CTNNA2: variants seen among roughly 807,000 people sequenced by gnomAD.
The protein encoded by CTNNA2 is catenin alpha-2.
CTNNA2 carries 42 observed loss-of-function variants against 101.0 expected under a neutral mutation model. The ratio of observed to expected loss-of-function variants is 0.42; its 90% confidence interval spans 0.32 to 0.54. The LOEUF (loss-of-function observed/expected upper bound fraction) is 0.54, where lower values mean the gene tolerates loss of function less well. Ranked by LOEUF, CTNNA2 falls within the 20% of genes least tolerant of loss-of-function variation. The pLI, the probability that CTNNA2 is intolerant of heterozygous loss-of-function variation, is 0.14. For synonymous variants in CTNNA2, 450 were observed against 456.4 expected (o/e 0.99, Z 0.18); for missense variants, 871 against 1,223.1 (o/e 0.71, Z 4.29).
intron 2 of CTNNA2, among the ~76,000 whole-genome samples, chr2:79,741,684 T>C (rs2104975350): frequency 6.6e-6 from 1 of 152,346 alleles, no homozygotes; most frequent in Admixed American, 6.5e-5. Flanking sequence ...AGGTTTTTAT[T>C]GTTTATGTTG....
intron 15 of CTNNA2, among the ~76,000 whole-genome samples, chr2:80,598,851 A>T (rs1479687036): frequency 6.6e-6 from 1 of 152,224 alleles, no homozygotes; most frequent in South Asian, 2.1e-4. Context: ...GAAGAGATTC[A>T]TGATTAGGAA....
chr2:79,236,745 T>G (rs1480464700), intron 2 of CTNNA2, among the ~76,000 whole-genome samples: 1 of 152,252 alleles, frequency 6.6e-6, no homozygotes, highest in Non-Finnish European at 1.5e-5. Flanking sequence ...TAGATTCAAA[T>G]GCAGTAAACC....
chr2:79,577,818 A>G (rs1036335803), intron 1 of CTNNA2, among the ~76,000 whole-genome samples: 2 of 152,160 alleles, frequency 1.3e-5, no homozygotes, highest in African/African-American at 4.8e-5. Context: ...GAATACATTT[A>G]CTGTTCTAAA....
intron 3 of CTNNA2, among the ~76,000 whole-genome samples, chr2:79,347,172 G>C (rs111717911): frequency 0.015 from 2,303 of 152,148 alleles, 56 homozygotes; most frequent in African/African-American, 0.051. Context: ...TAAGAAAAAT[G>C]GCTCAAATTC....
At chr2:79,892,272 A>G (rs1049347598) in intron 6 of CTNNA2, among the ~76,000 whole-genome samples, 3 of 152,184 alleles carry the variant, frequency 2.0e-5, no homozygotes, top group African/African-American at 7.2e-5. Context: ...TAGTTTAAGT[A>G]TTAATTTAAT....
At chr2:79,744,352 C>T (rs1558890797) in intron 2 of CTNNA2, 35 bp from the exon 3 acceptor site, 1 of 1,554,174 alleles carries the variant, frequency 6.4e-7, no homozygotes, top group Non-Finnish European at 8.7e-7. Flanking sequence ...GACAGTTTTG[C>T]AAAGAAGTTT....
intron 17 of CTNNA2, among the ~76,000 whole-genome samples, chr2:80,609,118 C>T (rs1432402021): frequency 6.6e-6 from 1 of 151,730 alleles, no homozygotes; most frequent in Non-Finnish European, 1.5e-5. Flanking sequence ...GTGGCTCTGA[C>T]ACCTTAGTTC....
chr2:79,461,101 C>T (rs1400841502), intron 4 of CTNNA2, among the ~76,000 whole-genome samples: 1 of 152,210 alleles, frequency 6.6e-6, no homozygotes, highest in Non-Finnish European at 1.5e-5. Flanking sequence ...CTCAGCCTCC[C>T]AAAGTTCTGG....
chr2:79,230,473 A>G (rs1265183449), intron 2 of CTNNA2, among the ~76,000 whole-genome samples: 1 of 152,236 alleles, frequency 6.6e-6, no homozygotes, highest in Non-Finnish European at 1.5e-5. Flanking sequence ...ACCTCCACCC[A>G]GATTTCAGAA....
chr2:80,089,174 G>C (rs1699629977), intron 7 of CTNNA2, among the ~76,000 whole-genome samples: 1 of 151,864 alleles, frequency 6.6e-6, no homozygotes, highest in South Asian at 2.1e-4. Context: ...TTTCCTGGTG[G>C]GGGCTTCCTG....
At chr2:80,527,094 A>C (rs1426033513) in intron 9 of CTNNA2, among the ~76,000 whole-genome samples, 1 of 152,244 alleles carries the variant, frequency 6.6e-6, no homozygotes, top group Non-Finnish European at 1.5e-5. Flanking sequence ...GTCAAAACAC[A>C]AGGTCTCACT....
intron 3 of CTNNA2, among the ~76,000 whole-genome samples, chr2:79,783,456 T>A (rs1441764671): frequency 1.3e-5 from 2 of 152,182 alleles, no homozygotes; most frequent in Non-Finnish European, 2.9e-5. Context: ...GTAAACTTAT[T>A]TCTCTCTTCT....
chr2:79,465,962 CG>C (rs1302081669), intron 4 of CTNNA2, among the ~76,000 whole-genome samples: 1 of 152,132 alleles, frequency 6.6e-6, no homozygotes, highest in Non-Finnish European at 1.5e-5. Context: ...GCATGAGTGA[CG>C]TAAAAAACAG....
intron 2 of CTNNA2, among the ~76,000 whole-genome samples, chr2:79,293,475 T>C (rs1675884319): frequency 6.6e-6 from 1 of 152,072 alleles, no homozygotes; most frequent in Admixed American, 6.6e-5. Flanking sequence ...ACAGTTTGGC[T>C]AAAAGGAAAA....
chr2:79,726,694 A>G (rs1686865672), intron 2 of CTNNA2, among the ~76,000 whole-genome samples: 1 of 152,198 alleles, frequency 6.6e-6, no homozygotes, highest in African/African-American at 2.4e-5. Flanking sequence ...TGTACACTTT[A>G]CAGATCAAAA....
intron 13 of CTNNA2, among the ~76,000 whole-genome samples, chr2:80,576,787 G>GA (rs1292269180): frequency 0.021 from 2,635 of 122,902 alleles, 38 homozygotes; most frequent in Middle Eastern, 0.047. Flanking sequence ...TGTCTCTACT[G>GA]AAAAAAAAAA....
intron 7 of CTNNA2, among the ~76,000 whole-genome samples, chr2:80,323,966 T>G (rs1678982815): frequency 6.6e-6 from 1 of 152,144 alleles, no homozygotes; most frequent in Non-Finnish European, 1.5e-5. Flanking sequence ...CTCTTTAAGC[T>G]TCCCTTAAAG....
In CTNNA2 at chr2:80,383,174, G is replaced by A. The variant is rs1473508495; in HGVS notation, c.1057-10037G>A. Among the ~76,000 whole-genome samples, 3 of 152,156 alleles carry A rather than the reference G, an allele frequency of 2.0e-5. No homozygotes were observed. The East Asian group carries it at 5.8e-4, about 29-fold the overall frequency. The stretch of plus-strand genomic sequence containing the variant: ...CAAGTAATCACTGAGGACTACACCT[G>A]TGTTGATAAAATAAATCAAGGAACA... On this transcript the variant is annotated intron_variant, in intron 7 of 18. Transcript: ENST00000402739.
intron 7 of CTNNA2, among the ~76,000 whole-genome samples, chr2:80,317,754 C>CAA (rs1678269066): frequency 6.6e-6 from 1 of 152,146 alleles, no homozygotes; most frequent in African/African-American, 2.4e-5. Context: ...GCTTCATTAA[C>CAA]AAGTTTCTCA....
Sources: allele counts gnomAD v4.1 joint callset (sites outside exome capture counted in the v4.1 genomes callset), GRCh38; gene constraint gnomAD v4.1.1; transcripts MANE v1.5; gene names NCBI Gene and HGNC (gene_info 2026-07-23, HGNC 2026-07-21).